Variants in ZNF611 observed in about 807,000 individuals in gnomAD.
ZNF611 encodes zinc finger protein 611.
A neutral mutation model predicts 8.9 loss-of-function variants in ZNF611; 6 were observed. The observed-to-expected ratio is 0.68, with a 90% CI of 0.37 to 1.34. The LOEUF is 1.34. ZNF611 is among the 40% of genes most tolerant of loss of function. The pLI, the probability that ZNF611 is intolerant of heterozygous loss-of-function variation, is 0.02. For missense variants in ZNF611, 874 were observed against 841.3 expected (o/e 1.04, Z -0.48); for synonymous variants, 262 against 279.7 (o/e 0.94, Z 0.63).
chr19:52,712,647 A>AAG (rs1366405872), intron 5 of ZNF611, among the ~76,000 whole-genome samples: 1 of 151,310 alleles, frequency 6.6e-6, no homozygotes, highest in Admixed American at 6.6e-5. Flanking sequence ...GAAAAAAAAA[A>AAG]AAAGAAAGAA....
chr19:52,734,544 G>GT (rs1018778938), intron 1 of ZNF611, among the ~76,000 whole-genome samples: 1 of 54,120 alleles, frequency 1.8e-5, no homozygotes, highest in African/African-American at 9.2e-5. Context: ...GGCGGGGGGG[G>GT]GGGGCGCGAC....
chr19:52,703,587 T>TC lies in ZNF611; in HGVS notation c.*1349dup, dbSNP rs1023151932. On this transcript the variant is annotated 3_prime_UTR_variant, in exon 6 of 6. Coordinates refer to ENST00000652185, the MANE Select transcript of ZNF611 (RefSeq NM_001161499.2). ...GCCACCACGTACCGAGGCTTTGATA[T>TC]CCTTTTTTTTTTTTTTTTTTTTGAG... 5.7e-5 allele frequency: 7 copies of TC among 123,450 alleles called. No homozygotes were observed. The highest frequency in any genetic ancestry group is 1.0e-4 in the Non-Finnish European group (6 of 59,436). The allele number at this position is 123,450 out of a possible 1,614,324, so 7.6% of individuals were successfully genotyped here.
intron 3 of ZNF611, among the ~76,000 whole-genome samples, chr19:52,726,705 A>C (rs1015102958): frequency 6.7e-6 from 1 of 148,150 alleles, no homozygotes; most frequent in Non-Finnish European, 1.5e-5. Flanking sequence ...GGTGTGAGCC[A>C]CCATGCTCGG....
At chr19:52,734,644 C>G (rs1600342725) in intron 1 of ZNF611, among the ~76,000 whole-genome samples, 1 of 152,096 alleles carries the variant, frequency 6.6e-6, no homozygotes, top group Non-Finnish European at 1.5e-5. Flanking sequence ...GCGCGGCGCT[C>G]CCGGGGCTGA....
At chr19:52,734,540 G>GC (rs1419784246) in intron 1 of ZNF611, among the ~76,000 whole-genome samples, 2 of 83,498 alleles carry the variant, frequency 2.4e-5, no homozygotes, top group African/African-American at 9.9e-5. Context: ...GCGGGGCGGG[G>GC]GGGGGGGGCG....
intron 3 of ZNF611, among the ~76,000 whole-genome samples, chr19:52,719,838 C>T (rs918551222): frequency 2.0e-5 from 3 of 152,082 alleles, no homozygotes; most frequent in African/African-American, 7.2e-5. Context: ...CAGGGTCATA[C>T]GACAATAGTG....
chr19:52,729,501 AAAAAAAAAAAAAAAAAAG>A (rs1417329353), intron 2 of ZNF611, among the ~76,000 whole-genome samples: 1 of 148,320 alleles, frequency 6.7e-6, no homozygotes, highest in African/African-American at 2.5e-5. Context: ...TCAAAAAAAA[AAAAAAAAAAAAAAAAAAG>A]AAAAGAAAGA....
chr19:52,734,972 G>T, intron 1 of ZNF611, 29 bp downstream of exon 1: 1 of 152,860 alleles, frequency 6.5e-6, no homozygotes, highest in South Asian at 1.9e-4. Context: ...AGTTAGCGCA[G>T]ACTTAATACA....
intron 1 of ZNF611, among the ~76,000 whole-genome samples, chr19:52,734,197 T>C (rs2062442937): frequency 6.6e-6 from 1 of 151,690 alleles, no homozygotes; most frequent in African/African-American, 2.4e-5. Flanking sequence ...GTTTTTTTTT[T>C]TTTTTTTCAC....
At position 52,704,558 on chromosome 19, in the gene ZNF611, C is replaced by T. The variant is rs2062226154; in HGVS notation, c.*379G>A. 1 of 1,407,632 alleles carries T rather than the reference C, an allele frequency of 7.1e-7. No homozygotes were observed. Among genetic ancestry groups the T allele is most frequent in the African/African-American group, 1.4e-5 (1 of 70,696 alleles). The allele number at this position is 1,407,632 out of a possible 1,614,324, so 87.2% of individuals were successfully genotyped here. The stretch of plus-strand genomic sequence containing the variant: ...CCAGTATGAGTTCACCGATGACCTG[C>T]AATATGTGAACGATCTCTGAAAAAT... On this transcript the variant is annotated 3_prime_UTR_variant, in exon 6 of 6. Coordinates refer to ENST00000652185, the MANE Select transcript of ZNF611 (RefSeq NM_001161499.2).
At position 52,733,934 on chromosome 19, in the gene ZNF611, C is replaced by A. The variant is rs113633773; in HGVS notation, c.-222+1067G>T. On this transcript the variant is annotated intron_variant, in intron 1 of 5. Coordinates refer to ENST00000652185, the MANE Select transcript of ZNF611 (RefSeq NM_001161499.2). ...GTTAAATTCCATCTTCCCCGATATA[C>A]TCCCTTGTCCCCACTCTGTGTCTCC... Among the ~76,000 whole-genome samples the A allele has an allele frequency of 6.3e-3, 870 of 138,934 alleles. 4 individuals are homozygous for A. Among genetic ancestry groups the A allele is most frequent in the African/African-American group, 0.023 (821 of 35,804 alleles). 91.1% of individuals were successfully genotyped at this position (138,934 alleles called of 152,430 possible). A position where few individuals can be genotyped will look rare whatever the true frequency, so the allele number is the denominator to read the frequency against.
chr19:52,708,090 A>T (rs2062256736), intron 5 of ZNF611: 1 of 152,196 alleles, frequency 6.6e-6, no homozygotes, highest in Admixed American at 6.5e-5. Context: ...AGAATTCTAA[A>T]CAACTCCCTC....
intron 1 of ZNF611, among the ~76,000 whole-genome samples, chr19:52,733,753 C>T (rs1050299176): frequency 8.6e-5 from 13 of 151,784 alleles, no homozygotes; most frequent in African/African-American, 3.1e-4. Flanking sequence ...GCTATTCATC[C>T]CCTTCTTCCC....
rs1254206665 is a variant in ZNF611 at position 52,703,657 on chromosome 19, T to C, written c.*1280A>G. ...CCCAGGCTGGAGCCCAGTGGTGCGATCTCGACTCCCTGCAAGCTCCGCCTC... is the reference window on the plus strand; with the variant it reads ...CCCAGGCTGGAGCCCAGTGGTGCGACCTCGACTCCCTGCAAGCTCCGCCTC... On this transcript the variant is annotated 3_prime_UTR_variant, in exon 6 of 6. Transcript: ENST00000652185. The C allele has an allele frequency of 6.8e-6, 1 of 145,988 alleles. No individual in the cohort carries two copies. The highest frequency in any genetic ancestry group is 7.1e-5 in the Admixed American group (1 of 14,126). The allele number at this position is 145,988 out of a possible 1,614,324, so 9.0% of individuals were successfully genotyped here. A position where few individuals can be genotyped will look rare whatever the true frequency, so the allele number is the denominator to read the frequency against.
chr19:52,726,006 G>A (rs1380100221), intron 3 of ZNF611, among the ~76,000 whole-genome samples: 1 of 152,264 alleles, frequency 6.6e-6, no homozygotes, highest in African/African-American at 2.4e-5. Context: ...GGAATTATCT[G>A]GAACGGGAAT....
chr19:52,716,677 C>A (rs532235942), intron 3 of ZNF611, among the ~76,000 whole-genome samples: 1 of 152,300 alleles, frequency 6.6e-6, no homozygotes, highest in African/African-American at 2.4e-5. Context: ...TGCAAGGGAA[C>A]CAGACTCCCC....
intron 1 of ZNF611, among the ~76,000 whole-genome samples, chr19:52,730,885 A>G (rs1252761443): frequency 1.3e-5 from 2 of 151,994 alleles, no homozygotes; most frequent in Non-Finnish European, 2.9e-5. Flanking sequence ...CACACAGCCA[A>G]GACTACTGCT....
chr19:52,714,212 A>G (rs1477092320), intron 4 of ZNF611, 71 bp from the exon 5 acceptor site: 1 of 1,578,942 alleles, frequency 6.3e-7, no homozygotes, highest in East Asian at 2.3e-5. Context: ...AAAATGAGAA[A>G]TGAGAAAATA....
intron 1 of ZNF611, among the ~76,000 whole-genome samples, chr19:52,732,454 A>G (rs71358902): frequency 0.011 from 509 of 48,046 alleles, 68 homozygotes; most frequent in East Asian, 0.017. Context: ...GTTATTCAGA[A>G]TAACTCACAG....
Sources: gnomAD v4.1 joint callset for allele counts (sites outside exome capture counted in the v4.1 genomes callset) on GRCh38, gnomAD v4.1.1 for gene constraint, MANE v1.5 for transcripts, NCBI Gene and HGNC (gene_info 2026-07-23, HGNC 2026-07-21) for gene names.